RHEB: variants seen among roughly 807,000 people sequenced by gnomAD.
RHEB encodes the protein GTP-binding protein Rheb.
In RHEB, 2 loss-of-function variants were observed where a neutral mutation model predicts 28.8. The observed-to-expected ratio is 0.07, with a 90% CI of 0.03 to 0.22. The LOEUF (loss-of-function observed/expected upper bound fraction) is 0.22, where lower values mean the gene tolerates loss of function less well. Among genes scored for constraint, RHEB ranks in the 10% least tolerant of loss-of-function variants. The pLI is 1.00. For synonymous variants in RHEB, 69 were observed against 77.3 expected (o/e 0.89, Z 0.56); for missense variants, 76 against 219.9 (o/e 0.35, Z 4.14).
intron 1 of RHEB, among the ~76,000 whole-genome samples, chr7:151,512,849 T>C (rs1803014840): frequency 6.6e-6 from 1 of 152,236 alleles, no homozygotes; most frequent in South Asian, 2.1e-4. Flanking sequence ...GTCAAAACGA[T>C]ATTCATAGCA....
chr7:151,492,984 C>T (rs1163596690), intron 1 of RHEB, among the ~76,000 whole-genome samples: 2 of 151,940 alleles, frequency 1.3e-5, no homozygotes, highest in Admixed American at 6.5e-5. Flanking sequence ...GGATTACAGG[C>T]ACGCGCCACC....
intron 1 of RHEB, among the ~76,000 whole-genome samples, chr7:151,506,188 CTT>C (rs574892432): frequency 3.7e-4 from 51 of 139,690 alleles, no homozygotes; most frequent in Non-Finnish European, 4.4e-4. Flanking sequence ...AATGCATTTA[CTT>C]TTTTTTTTTT....
At position 151,466,862 on chromosome 7, in the gene RHEB, G is replaced by A. The variant is rs1730821467; in HGVS notation, c.*257C>T. ...CAAACTACACTGAAAAATTAATGCC[G>A]ATAAAATTCTTGGTCATAATATTAA... On this transcript the variant is annotated 3_prime_UTR_variant, in exon 8 of 8. Transcript: ENST00000262187. The A allele has an allele frequency of 1.1e-5, 4 of 352,592 alleles. No homozygotes were observed. Among genetic ancestry groups the A allele is most frequent in the Admixed American group, 4.3e-5 (1 of 23,080 alleles). 21.8% of individuals were successfully genotyped at this position (352,592 alleles called of 1,614,324 possible).
chr7:151,474,399 T>A (rs1802228915), intron 4 of RHEB, among the ~76,000 whole-genome samples: 1 of 152,224 alleles, frequency 6.6e-6, no homozygotes, highest in Non-Finnish European at 1.5e-5. Flanking sequence ...CAGGCTGGTC[T>A]CGAACTCCTG....
At chr7:151,506,631 TAATA>T (rs2150936759) in intron 1 of RHEB, among the ~76,000 whole-genome samples, 1 of 152,314 alleles carries the variant, frequency 6.6e-6, no homozygotes, top group East Asian at 1.9e-4. Context: ...GAATTATATC[TAATA>T]AATTAACCTG....
At chr7:151,515,734 C>G (rs1584870894) in intron 1 of RHEB, among the ~76,000 whole-genome samples, 1 of 152,154 alleles carries the variant, frequency 6.6e-6, no homozygotes. Context: ...CTGGGAACAA[C>G]CAAATATTTA....
chr7:151,503,269 C>T, intron 1 of RHEB: 2 of 784,854 alleles, frequency 2.5e-6, no homozygotes, highest in African/African-American at 1.7e-5. Flanking sequence ...CGAGAGCATG[C>T]CCCTGTTGGA....
At chr7:151,511,183 T>G (rs1393440201) in intron 1 of RHEB, among the ~76,000 whole-genome samples, 1 of 152,206 alleles carries the variant, frequency 6.6e-6, no homozygotes, top group Non-Finnish European at 1.5e-5. Context: ...TAAAACTGTA[T>G]TAACTGTAAA....
At chr7:151,500,033 C>T (rs533262026) in intron 1 of RHEB, among the ~76,000 whole-genome samples, 12 of 152,318 alleles carry the variant, frequency 7.9e-5, no homozygotes, top group Non-Finnish European at 1.6e-4. Flanking sequence ...AACACCTGGG[C>T]TCAAGCGGTC....
At chr7:151,503,479 A>G in intron 1 of RHEB, 1 of 1,047,884 alleles carries the variant, frequency 9.5e-7, no homozygotes, top group South Asian at 1.3e-5. Context: ...AGTCTGGCAA[A>G]ACGTGCCTCA....
rs185467607 is a variant in RHEB at position 151,479,645 on chromosome 7, A to G, written c.193-2230T>C. The stretch of plus-strand genomic sequence containing the variant: ...TTGCAGTGAGCCGAGATCGCGCCAC[A>G]GCACTCCAGCCTGGGCGATAGAGCG... On this transcript the variant is annotated intron_variant, in intron 3 of 7. Transcript: ENST00000262187. Among the ~76,000 whole-genome samples, 18 of 149,624 alleles carry G rather than the reference A, an allele frequency of 1.2e-4. No homozygotes were observed. The East Asian group carries it at 1.8e-3, about 15-fold the overall frequency.
At chr7:151,518,965 C>T (rs1803131318) in intron 1 of RHEB, 1 of 152,270 alleles carries the variant, frequency 6.6e-6, no homozygotes, top group Admixed American at 6.5e-5. Context: ...GTAAACTTCA[C>T]CACAGATGGA....
chr7:151,475,295 C>G (rs1314125149), intron 4 of RHEB, among the ~76,000 whole-genome samples: 1 of 152,198 alleles, frequency 6.6e-6, no homozygotes, highest in Non-Finnish European at 1.5e-5. Context: ...AGTGGATGCA[C>G]TAAGAAAATT....
At chr7:151,471,847 C>A in intron 4 of RHEB, 1 of 455,424 alleles carries the variant, frequency 2.2e-6, no homozygotes, top group Non-Finnish European at 3.9e-6. Context: ...AAACGGAAAG[C>A]CTACCACTGG....
At chr7:151,485,377 G>A (rs1193407035) in intron 2 of RHEB, among the ~76,000 whole-genome samples, 4 of 152,214 alleles carry the variant, frequency 2.6e-5, no homozygotes, top group African/African-American at 4.8e-5. Context: ...TCCCTGACAA[G>A]GGAGGAAAGA....
At chr7:151,475,007 A>C (rs1802247912) in intron 4 of RHEB, among the ~76,000 whole-genome samples, 1 of 152,252 alleles carries the variant, frequency 6.6e-6, no homozygotes, top group East Asian at 1.9e-4. Context: ...GGTAAAAGGC[A>C]TATAACAAAA....
At chr7:151,500,006 T>C (rs1244970567) in intron 1 of RHEB, among the ~76,000 whole-genome samples, 2 of 152,216 alleles carry the variant, frequency 1.3e-5, no homozygotes, top group Non-Finnish European at 2.9e-5. Context: ...TCCACCATGC[T>C]GCCCATGCTG....
At chr7:151,502,979 C>T (rs1348405791) in intron 1 of RHEB, 8 of 783,098 alleles carry the variant, frequency 1.0e-5, no homozygotes, top group African/African-American at 1.7e-5. Context: ...TACTGAAGTC[C>T]TCTCCGAAGT....
intron 3 of RHEB, among the ~76,000 whole-genome samples, chr7:151,483,304 G>A (rs1238507825): frequency 1.3e-5 from 2 of 152,286 alleles, no homozygotes; most frequent in Non-Finnish European, 2.9e-5. Context: ...CCACAGGACA[G>A]GTCATATTAT....
Sources: gnomAD v4.1 joint callset for allele counts (sites outside exome capture counted in the v4.1 genomes callset) on GRCh38, gnomAD v4.1.1 for gene constraint, MANE v1.5 for transcripts, NCBI Gene and HGNC (gene_info 2026-07-23, HGNC 2026-07-21) for gene names.